HAPLN3: variants seen among roughly 807,000 people sequenced by gnomAD.
HAPLN3 encodes hyaluronan and proteoglycan link protein 3.
A neutral mutation model predicts 28.1 loss-of-function variants in HAPLN3; 28 were observed. The observed-to-expected ratio is 1.00, with a 90% CI of 0.74 to 1.37. HAPLN3 has a LOEUF of 1.37. HAPLN3 is among the 40% of genes most tolerant of loss of function. The pLI is 0.00. For missense variants in HAPLN3, 513 were observed against 504.6 expected (o/e 1.02, Z -0.16); for synonymous variants, 211 against 213.1 (o/e 0.99, Z 0.09).
At position 88,881,758 on chromosome 15, in the gene HAPLN3, G is replaced by T; in HGVS notation, c.125-33C>A. On this transcript the variant is annotated intron_variant, in intron 2 of 4. Coordinates refer to ENST00000359595, the MANE Select transcript of HAPLN3 (RefSeq NM_178232.4). The surrounding 1 kb of genome is among the most constrained non-coding windows in gnomAD (Gnocchi z 6.0). ...GAGAGACAGGGTGCAGATGAGACCTGCTGAAGCACATCTGTACCCCTGCAA... is the reference window on the plus strand; with the variant it reads ...GAGAGACAGGGTGCAGATGAGACCTTCTGAAGCACATCTGTACCCCTGCAA... 6.3e-7 allele frequency: 1 copy of T among 1,579,414 alleles called. No homozygotes were observed. Among genetic ancestry groups the T allele is most frequent in the South Asian group, 1.2e-5 (1 of 85,862 alleles).
At chr15:88,887,947 G>A (rs1002174274) in intron 1 of HAPLN3, among the ~76,000 whole-genome samples, 1 of 151,802 alleles carries the variant, frequency 6.6e-6, no homozygotes, top group African/African-American at 2.4e-5. Context: ...TGGGCAACAA[G>A]AGTGAAACTC....
intron 1 of HAPLN3, among the ~76,000 whole-genome samples, chr15:88,894,256 A>C (rs895384030): frequency 2.0e-5 from 3 of 152,178 alleles, no homozygotes; most frequent in Non-Finnish European, 4.4e-5. Context: ...TCTTTGTCAA[A>C]TATCTCGAAC....
At chr15:88,891,137 C>G (rs1438401608) in intron 1 of HAPLN3, among the ~76,000 whole-genome samples, 1 of 152,188 alleles carries the variant, frequency 6.6e-6, no homozygotes, top group Non-Finnish European at 1.5e-5. Context: ...ACCTCGGCCT[C>G]CCAAAGTGCT....
chr15:88,894,234 C>T (rs1302283020), intron 1 of HAPLN3, among the ~76,000 whole-genome samples: 1 of 152,188 alleles, frequency 6.6e-6, no homozygotes, highest in Non-Finnish European at 1.5e-5. Context: ...CAGTGAACTA[C>T]CCAAGGCGTT....
rs1897650119 is a variant in HAPLN3, at chr15:88,879,882, T to C, written c.494-613A>G. The C allele has an allele frequency of 2.9e-6, 3 of 1,016,962 alleles. No individual in the cohort carries two copies. Among genetic ancestry groups the C allele is most frequent in the Non-Finnish European group, 3.5e-6 (3 of 848,982 alleles). The allele number at this position is 1,016,962 out of a possible 1,614,324, so 63.0% of individuals were successfully genotyped here. ...AGGCCACAGGCCCTGAAAAGATATG[T>C]TCGTGTTTGAAATTTTACTCTAATA... On this transcript the variant is annotated intron_variant, in intron 3 of 4. Transcript: ENST00000359595. The surrounding 1 kb of genome is among the most constrained non-coding windows in gnomAD (Gnocchi z 5.0).
At chr15:88,882,749 A>T (rs1412596060) in intron 2 of HAPLN3, among the ~76,000 whole-genome samples, 7 of 152,096 alleles carry the variant, frequency 4.6e-5, no homozygotes, top group African/African-American at 1.7e-4. Flanking sequence ...CACGCTTATA[A>T]TCCCAACACT....
Position 88,879,552 on chromosome 15 carries a change from C to G in HAPLN3, c.494-283G>C. On this transcript the variant is annotated intron_variant, in intron 3 of 4. Transcript: ENST00000359595. This position sits in a 1 kb window ranked among gnomAD's most constrained non-coding sequence, Gnocchi z 5.0. ...TCCCCAACCTAATCCGCAAGGCTGT[C>G]GCCAGACCCCCAGTGAGGCTGTGCC... 1 of 1,421,050 alleles carries G rather than the reference C, an allele frequency of 7.0e-7. No individual in the cohort carries two copies. The highest frequency in any genetic ancestry group is 9.3e-7 in the Non-Finnish European group (1 of 1,073,110). 88.0% of individuals were successfully genotyped at this position (1,421,050 alleles called of 1,614,324 possible).
Position 88,880,296 on chromosome 15 carries a change from A to T in HAPLN3, c.494-1027T>A. On this transcript the variant is annotated intron_variant, in intron 3 of 4. Coordinates refer to ENST00000359595, the MANE Select transcript of HAPLN3 (RefSeq NM_178232.4). The surrounding 1 kb of genome is among the most constrained non-coding windows in gnomAD (Gnocchi z 6.0). ...ACTCTTGCAGGTTCTCCCCAACTCCACTGCCACCCCAACTTCAAGAATGAG... is the reference window on the plus strand; with the variant it reads ...ACTCTTGCAGGTTCTCCCCAACTCCTCTGCCACCCCAACTTCAAGAATGAG... 9.4e-7 allele frequency: 1 copy of T among 1,059,444 alleles called. No individual in the cohort carries two copies. Among genetic ancestry groups the T allele is most frequent in the Non-Finnish European group, 1.1e-6 (1 of 873,008 alleles). 65.6% of individuals were successfully genotyped at this position (1,059,444 alleles called of 1,614,324 possible).
In HAPLN3 at chr15:88,880,772, AG is replaced by A. The variant is rs1478958779; in HGVS notation, c.493+584del. Among the ~76,000 whole-genome samples the A allele has an allele frequency of 4.6e-5, 7 of 152,030 alleles. No homozygotes were observed. The highest frequency in any genetic ancestry group is 8.8e-5 in the Non-Finnish European group (6 of 68,016). ...TTGTTTTGTTTTGTTTTTAAAAAGG[AG>A]GTTTTTACATAAAAATCAGGAGATC... On this transcript the variant is annotated intron_variant, in intron 3 of 4. Transcript: ENST00000359595. The surrounding 1 kb of genome is among the most constrained non-coding windows in gnomAD (Gnocchi z 6.0).
At position 88,877,842 on chromosome 15, in the gene HAPLN3, A is replaced by G. The variant is rs1897569782; in HGVS notation, c.*128T>C. 15 of 981,494 alleles carry G rather than the reference A, an allele frequency of 1.5e-5. No homozygotes were observed. In the East Asian group the frequency reaches 4.0e-4, roughly 26 times the overall value. The allele number at this position is 981,494 out of a possible 1,614,324, so 60.8% of individuals were successfully genotyped here. ...TTTGCTTTACAAAAAATAGTAAAAA[A>G]ATGTTTAAAGAAAATTTAAATTGAG... On this transcript the variant is annotated 3_prime_UTR_variant, in exon 5 of 5. Transcript: ENST00000359595. This position sits in a 1 kb window ranked among gnomAD's most constrained non-coding sequence, Gnocchi z 5.1.
Position 88,881,861 on chromosome 15 carries a change from TATC to T in HAPLN3, c.125-139_125-137del. On this transcript the variant is annotated intron_variant, in intron 2 of 4. Transcript: ENST00000359595. This position sits in a 1 kb window ranked among gnomAD's most constrained non-coding sequence, Gnocchi z 6.0. ...GGCCACCATGCTCCACCCCTCCCTG[TATC>T]CACATGCTCTGCAATGTGACTTTGC... 1 of 788,094 alleles carries T rather than the reference TATC, an allele frequency of 1.3e-6. No homozygotes were observed. 48.8% of individuals were successfully genotyped at this position (788,094 alleles called of 1,614,324 possible).
chr15:88,882,418 C>T (rs1897730618), intron 2 of HAPLN3, among the ~76,000 whole-genome samples: 1 of 152,230 alleles, frequency 6.6e-6, no homozygotes, highest in Non-Finnish European at 1.5e-5. Flanking sequence ...GTCGGAGTTT[C>T]CTTCCCCACC....
At chr15:88,885,690 C>A (rs1159678196) in intron 2 of HAPLN3, among the ~76,000 whole-genome samples, 1 of 152,098 alleles carries the variant, frequency 6.6e-6, no homozygotes, top group East Asian at 1.9e-4. Flanking sequence ...CTCTTGACCT[C>A]GTGATCCATC....
chr15:88,879,517 C>T lies in HAPLN3; in HGVS notation c.494-248G>A, dbSNP rs1567199755. ...GGTAATTAATTAGTCCATTAATGTC[C>T]CCAACAATGTCCCCAACCTAATCCG... is the stretch of plus-strand genomic sequence containing the variant. On this transcript the variant is annotated intron_variant, in intron 3 of 4. Transcript: ENST00000359595. The surrounding 1 kb of genome is among the most constrained non-coding windows in gnomAD (Gnocchi z 5.0). 1 of 1,497,480 alleles carries T rather than the reference C, an allele frequency of 6.7e-7. No homozygotes were observed. The highest frequency in any genetic ancestry group is 1.2e-5 in the South Asian group (1 of 82,872). The allele number at this position is 1,497,480 out of a possible 1,614,324, so 92.8% of individuals were successfully genotyped here.
In HAPLN3 at chr15:88,881,354, C is replaced by T; in HGVS notation, c.493+3G>A. Reference sequence around the variant, plus strand: ...TGTCACCCAGTCCCCGTTAGCATCTCACCCCGCAGCTCCAGCTCCACCAGA... The same window carrying T: ...TGTCACCCAGTCCCCGTTAGCATCTTACCCCGCAGCTCCAGCTCCACCAGA... On this transcript the variant is annotated splice_donor_region_variant and intron_variant, in intron 3 of 4. Transcript: ENST00000359595. The surrounding 1 kb of genome is among the most constrained non-coding windows in gnomAD (Gnocchi z 6.0). 6.2e-7 allele frequency: 1 copy of T among 1,607,964 alleles called. No individual in the cohort carries two copies. Among genetic ancestry groups the T allele is most frequent in the Non-Finnish European group, 8.5e-7 (1 of 1,176,906 alleles).
chr15:88,883,897 G>A (rs1429707373), intron 2 of HAPLN3, among the ~76,000 whole-genome samples: 1 of 152,082 alleles, frequency 6.6e-6, no homozygotes, highest in Admixed American at 6.5e-5. Flanking sequence ...GGCCAACACG[G>A]TGAAGCCCCA....
rs1263507389 is a variant in HAPLN3 at position 88,880,394 on chromosome 15, G to C, written c.493+963C>G. ...GCAAAGACAGAGAACGCATTTTAAGGACATACATCTTATCCTCATTGCCTC... is the reference window on the plus strand; with the variant it reads ...GCAAAGACAGAGAACGCATTTTAAGCACATACATCTTATCCTCATTGCCTC... On this transcript the variant is annotated intron_variant, in intron 3 of 4. Transcript: ENST00000359595. This position sits in a 1 kb window ranked among gnomAD's most constrained non-coding sequence, Gnocchi z 6.0. The C allele has an allele frequency of 1.7e-6, 2 of 1,149,106 alleles. No individual in the cohort carries two copies. The highest frequency in any genetic ancestry group is 2.2e-6 in the Non-Finnish European group (2 of 919,368). The allele number at this position is 1,149,106 out of a possible 1,614,324, so 71.2% of individuals were successfully genotyped here.
chr15:88,878,503 G>A (rs1897598928), intron 4 of HAPLN3, among the ~76,000 whole-genome samples: 1 of 152,170 alleles, frequency 6.6e-6, no homozygotes, highest in Admixed American at 6.5e-5. Flanking sequence ...AGGTGGGTGG[G>A]CACCCCACCT....
intron 2 of HAPLN3, among the ~76,000 whole-genome samples, chr15:88,884,794 G>C (rs1296177826): frequency 6.6e-6 from 1 of 152,070 alleles, no homozygotes; most frequent in East Asian, 1.9e-4. Flanking sequence ...GAGGGAGGCA[G>C]AGGGAGATTT....
Sources: allele counts gnomAD v4.1 joint callset (sites outside exome capture counted in the v4.1 genomes callset), GRCh38; gene constraint gnomAD v4.1.1; non-coding constraint Gnocchi (gnomAD v3.1); transcripts MANE v1.5; gene names NCBI Gene and HGNC (gene_info 2026-07-23, HGNC 2026-07-21).